CCSER1: variants seen among roughly 807,000 people sequenced by gnomAD.
CCSER1 encodes coiled-coil serine rich protein 1, also known as serine-rich coiled-coil domain-containing protein 1.
In CCSER1, 41 loss-of-function variants were observed where a neutral mutation model predicts 82.0. The ratio of observed to expected loss-of-function variants is 0.50; its 90% confidence interval spans 0.39 to 0.65. CCSER1 has a LOEUF of 0.65. Ranked by LOEUF, CCSER1 falls within the 30% of genes least tolerant of loss-of-function variation. The probability of loss-of-function intolerance (pLI) is 0.00; values close to 1 mark genes in which losing one functional copy is unlikely to be tolerated. For synonymous variants in CCSER1, 414 were observed against 383.9 expected, an observed-to-expected ratio of 1.08 and a Z score of -0.92; for missense variants, 1,119 against 1,064.2, an observed-to-expected ratio of 1.05 and a Z score of -0.72.
intron 6 of CCSER1, among the ~76,000 whole-genome samples, chr4:90,707,999 T>A (rs1739732200): frequency 6.6e-6 from 1 of 152,164 alleles, no homozygotes; most frequent in Admixed American, 6.5e-5. Flanking sequence ...ATTTCAGTGC[T>A]CTATCAGCCA....
At chr4:90,401,172 T>C (rs1361728680) in intron 4 of CCSER1, among the ~76,000 whole-genome samples, 1 of 152,190 alleles carries the variant, frequency 6.6e-6, no homozygotes, top group Non-Finnish European at 1.5e-5. Context: ...GCATTTAAAA[T>C]TTTTTCGGTT....
At chr4:91,020,828 G>A (rs1368687542) in intron 9 of CCSER1, among the ~76,000 whole-genome samples, 1 of 151,926 alleles carries the variant, frequency 6.6e-6, no homozygotes, top group Non-Finnish European at 1.5e-5. Context: ...TGTTTTCTCT[G>A]TTTTGTCTTG....
intron 5 of CCSER1, among the ~76,000 whole-genome samples, chr4:90,562,015 C>A (rs1278781332): frequency 6.6e-6 from 1 of 151,632 alleles, no homozygotes; most frequent in Non-Finnish European, 1.5e-5. Context: ...ATGGTGAAAC[C>A]CCGTCTCTAC....
intron 9 of CCSER1, among the ~76,000 whole-genome samples, chr4:91,078,583 G>C (rs1165736145): frequency 6.6e-6 from 1 of 152,234 alleles, no homozygotes; most frequent in African/African-American, 2.4e-5. Flanking sequence ...GAATGACTTT[G>C]ATGAGTCGAG....
intron 10 of CCSER1, among the ~76,000 whole-genome samples, chr4:91,303,468 A>C (rs1001557631): frequency 6.6e-6 from 1 of 151,990 alleles, no homozygotes; most frequent in Admixed American, 6.6e-5. Flanking sequence ...TAATGAATCA[A>C]TGTTGGTTCC....
chr4:90,692,483 A>C (rs1736183155), intron 6 of CCSER1, among the ~76,000 whole-genome samples: 1 of 151,968 alleles, frequency 6.6e-6, no homozygotes, highest in African/African-American at 2.4e-5. Flanking sequence ...AAAGGGAAAA[A>C]TTAAGAAGAG....
chr4:91,385,739 G>A (rs1013340789), intron 10 of CCSER1, among the ~76,000 whole-genome samples: 1 of 151,812 alleles, frequency 6.6e-6, no homozygotes, highest in Admixed American at 6.6e-5. Flanking sequence ...ACTTCTAGGA[G>A]TAGTTTTCTT....
At chr4:90,375,219 A>G (rs1245326375) in intron 3 of CCSER1, among the ~76,000 whole-genome samples, 1 of 152,186 alleles carries the variant, frequency 6.6e-6, no homozygotes, top group Non-Finnish European at 1.5e-5. Context: ...TAGATTGGTT[A>G]TGTTGCTCAC....
chr4:90,930,939 T>TATATATATATATATATAC (rs749253663), intron 9 of CCSER1, among the ~76,000 whole-genome samples: 5 of 135,086 alleles, frequency 3.7e-5, no homozygotes, highest in Admixed American at 7.6e-5. Flanking sequence ...TATATATATA[T>TATATATATATATATATAC]ACACATGACA....
chr4:90,548,727 G>GATATATAT (rs60880201), intron 5 of CCSER1, among the ~76,000 whole-genome samples: 8 of 143,662 alleles, frequency 5.6e-5, no homozygotes, highest in African/African-American at 1.8e-4. Flanking sequence ...ATCATTTAAA[G>GATATATAT]ATATATATAT....
At position 90,640,301 on chromosome 4, in the gene CCSER1, T is replaced by A. The variant is rs541074441; in HGVS notation, c.1932+12069T>A. On this transcript the variant is annotated intron_variant, in intron 6 of 10. Transcript: ENST00000509176. ...TTCCTTTATGGCATTGGTCTATGAA[T>A]GTGAAAGACATGAAAATTAATAATA... 4.6e-5 allele frequency among the ~76,000 whole-genome samples: 7 copies of A among 152,230 alleles called. No individual in the cohort carries two copies. In the South Asian group the frequency reaches 1.2e-3, roughly 27 times the overall value.
chr4:91,494,328 A>T (rs1758700006), intron 10 of CCSER1, among the ~76,000 whole-genome samples: 1 of 151,848 alleles, frequency 6.6e-6, no homozygotes, highest in Non-Finnish European at 1.5e-5. Context: ...TCTATATTTT[A>T]AATCATACAA....
chr4:91,546,450 T>G (rs1761893487), intron 10 of CCSER1, among the ~76,000 whole-genome samples: 1 of 152,148 alleles, frequency 6.6e-6, no homozygotes, highest in Admixed American at 6.5e-5. Context: ...TCAGATTATC[T>G]ATTTTTGTAT....
intron 10 of CCSER1, among the ~76,000 whole-genome samples, chr4:91,248,098 G>A (rs905900689): frequency 6.6e-6 from 1 of 152,230 alleles, no homozygotes; most frequent in South Asian, 2.1e-4. Flanking sequence ...GCAACTGAAA[G>A]AGCTCCAGTG....
intron 5 of CCSER1, among the ~76,000 whole-genome samples, chr4:90,610,436 AC>A (rs1785317705): frequency 1.3e-5 from 2 of 152,146 alleles, no homozygotes; most frequent in Non-Finnish European, 2.9e-5. Flanking sequence ...TTTGTGAACA[AC>A]TATCAGCTAC....
intron 4 of CCSER1, among the ~76,000 whole-genome samples, chr4:90,445,352 CT>C (rs1486728995): frequency 2.0e-5 from 3 of 151,984 alleles, no homozygotes; most frequent in Non-Finnish European, 4.4e-5. Flanking sequence ...AGATCAATAG[CT>C]TTTTGGAAAT....
At chr4:90,932,828 C>CG (rs369741679) in intron 9 of CCSER1, among the ~76,000 whole-genome samples, 2 of 25,178 alleles carry the variant, frequency 7.9e-5, no homozygotes, top group African/African-American at 1.9e-4. Context: ...ACTCCGTCTC[C>CG]AAAAAAAAAA....
chr4:91,277,809 G>A (rs1581892308), intron 10 of CCSER1, among the ~76,000 whole-genome samples: 1 of 151,464 alleles, frequency 6.6e-6, no homozygotes, highest in South Asian at 2.1e-4. Flanking sequence ...TTTTGATCTA[G>A]GGTTTTGTTG....
At chr4:91,225,268 ATATACATTTTATATATGTAATATATATG>A (rs1166492901) in intron 10 of CCSER1, among the ~76,000 whole-genome samples, 2 of 133,604 alleles carry the variant, frequency 1.5e-5, no homozygotes, top group Non-Finnish European at 3.1e-5. Context: ...GTATATAATT[ATATACATTTTATATATGTAATATATATG>A]TATATATATT....
Sources: allele counts gnomAD v4.1 joint callset (sites outside exome capture counted in the v4.1 genomes callset), GRCh38; gene constraint gnomAD v4.1.1; transcripts MANE v1.5; gene names NCBI Gene and HGNC (gene_info 2026-07-23, HGNC 2026-07-21).